DLG2: variants seen among roughly 807,000 people sequenced by gnomAD.
DLG2 encodes the protein disks large homolog 2.
In DLG2, 45 loss-of-function variants were observed where a neutral mutation model predicts 132.5. The observed-to-expected ratio is 0.34, with a 90% confidence interval of 0.27 to 0.44. The LOEUF (loss-of-function observed/expected upper bound fraction) is 0.44. Among genes scored for constraint, DLG2 ranks in the 20% least tolerant of loss-of-function variants. The pLI, the probability that DLG2 is intolerant of heterozygous loss-of-function variation, is 1.00. For synonymous variants in DLG2, 424 were observed against 419.6 expected (o/e 1.01, Z -0.13); for missense variants, 1,045 against 1,196.9 (o/e 0.87, Z 1.87).
intron 18 of DLG2, among the ~76,000 whole-genome samples, chr11:83,759,857 C>G (rs149946177): frequency 2.0e-5 from 3 of 152,330 alleles, no homozygotes; most frequent in African/African-American, 7.2e-5. Flanking sequence ...ATAATTACAA[C>G]ATTGATAATA....
intron 7 of DLG2, among the ~76,000 whole-genome samples, chr11:84,291,369 A>G (rs929357487): frequency 1.7e-4 from 26 of 152,308 alleles, no homozygotes; most frequent in African/African-American, 6.0e-4. Flanking sequence ...TAACTATCTC[A>G]ACTGACAGTA....
intron 8 of DLG2, among the ~76,000 whole-genome samples, chr11:84,212,855 T>C (rs10751110): frequency 0.69 from 104,561 of 152,048 alleles, 37,823 homozygotes; most frequent in South Asian, 0.8. Context: ...AGATGGGGTT[T>C]CACCTTGTTA....
Position 84,934,511 on chromosome 11 carries a change from TTTTGTTTTGTTTTG to T in DLG2, c.357+177136_357+177149del, listed in dbSNP as rs1291459095. On this transcript the variant is annotated intron_variant, in intron 6 of 27. Transcript: ENST00000376104. The stretch of plus-strand genomic sequence containing the variant: ...ATCTGTATGGTCCTGGGTGTTTTTT[TTTTGTTTTGTTTTG>T]TTTTTTTTTTTTTTTTTTTTTGGTG... Among the ~76,000 whole-genome samples the T allele has an allele frequency of 4.8e-3, 394 of 81,772 alleles. 2 individuals are homozygous for T. The highest frequency in any genetic ancestry group is 0.011 in the African/African-American group (173 of 15,626). 53.6% of individuals were successfully genotyped at this position (81,772 alleles called of 152,430 possible).
intron 15 of DLG2, among the ~76,000 whole-genome samples, chr11:83,928,920 ACTTC>A: frequency 6.6e-6 from 1 of 152,300 alleles, no homozygotes; most frequent in African/African-American, 2.4e-5. Flanking sequence ...GGCTCTTCTC[ACTTC>A]CTTACGGCTA....
At chr11:84,025,899 T>C (rs1240422048) in intron 11 of DLG2, among the ~76,000 whole-genome samples, 2 of 151,950 alleles carry the variant, frequency 1.3e-5, no homozygotes, top group Non-Finnish European at 2.9e-5. Context: ...ATTGACAACA[T>C]GTTTCCAAGA....
At chr11:84,197,478 T>G (rs972628009) in intron 8 of DLG2, among the ~76,000 whole-genome samples, 1 of 152,090 alleles carries the variant, frequency 6.6e-6, no homozygotes, top group Non-Finnish European at 1.5e-5. Context: ...ACCAGGACAA[T>G]GGAAAGAATG....
At chr11:84,517,750 A>T (rs10792761) in intron 7 of DLG2, among the ~76,000 whole-genome samples, 15,287 of 152,080 alleles carry the variant, frequency 0.1, 837 homozygotes, top group South Asian at 0.18. Context: ...AATCAACCTA[A>T]ATGTTCATCA....
intron 6 of DLG2, among the ~76,000 whole-genome samples, chr11:84,684,901 C>T (rs2099736729): frequency 6.6e-6 from 1 of 152,190 alleles, no homozygotes. Flanking sequence ...CAGTGTTTGA[C>T]TTTGAGAATT....
At chr11:85,443,510 G>A (rs780527988) in intron 3 of DLG2, among the ~76,000 whole-genome samples, 33 of 152,098 alleles carry the variant, frequency 2.2e-4, no homozygotes, top group Non-Finnish European at 1.3e-4. Flanking sequence ...AAAACTTTAC[G>A]TTTGAAAGTC....
intron 17 of DLG2, among the ~76,000 whole-genome samples, chr11:83,815,436 T>C (rs2048591022): frequency 6.6e-6 from 1 of 152,190 alleles, no homozygotes; most frequent in Non-Finnish European, 1.5e-5. Flanking sequence ...TCATTCTGGA[T>C]AGTTACCATC....
chr11:85,072,018 T>C (rs1241269805), intron 6 of DLG2, among the ~76,000 whole-genome samples: 2 of 151,830 alleles, frequency 1.3e-5, no homozygotes, highest in African/African-American at 2.4e-5. Flanking sequence ...AATCTTAGCA[T>C]CCCTATGTCA....
rs78508980 is a variant in DLG2 at position 84,321,619 on chromosome 11, T to G, written c.520-70328A>C. On this transcript the variant is annotated intron_variant, in intron 7 of 27. Coordinates refer to ENST00000376104, the MANE Select transcript of DLG2 (RefSeq NM_001142699.3). ...GGATGTTCTTTTCCCCACTTCATAC[T>G]TTCACATAATTAATTCCTACTCACC... Among the ~76,000 whole-genome samples the G allele has an allele frequency of 3.1e-3, 469 of 152,214 alleles. 5 individuals carry two copies. Among genetic ancestry groups the G allele is most frequent in the African/African-American group, 0.011 (449 of 41,532 alleles).
intron 6 of DLG2, among the ~76,000 whole-genome samples, chr11:84,891,867 TAA>T (rs2154064289): frequency 6.6e-6 from 1 of 152,286 alleles, no homozygotes; most frequent in African/African-American, 2.4e-5. Context: ...GAATCTATAT[TAA>T]AAGTCAGATG....
chr11:84,597,664 G>A (rs1042245073), intron 6 of DLG2, among the ~76,000 whole-genome samples: 1 of 152,154 alleles, frequency 6.6e-6, no homozygotes, highest in African/African-American at 2.4e-5. Context: ...GTTACTAGAT[G>A]TAAATAAAGA....
intron 7 of DLG2, among the ~76,000 whole-genome samples, chr11:84,329,639 T>C (rs2098449547): frequency 6.6e-6 from 1 of 152,194 alleles, no homozygotes; most frequent in Admixed American, 6.5e-5. Flanking sequence ...GGCAGTCCTT[T>C]ATAGCAATAT....
chr11:84,365,038 G>C (rs937473762), intron 7 of DLG2, among the ~76,000 whole-genome samples: 5 of 152,116 alleles, frequency 3.3e-5, no homozygotes, highest in Admixed American at 3.3e-4. Context: ...AAATGAGTTA[G>C]GGAGGATTCC....
intron 6 of DLG2, among the ~76,000 whole-genome samples, chr11:85,049,916 G>T (rs1316250691): frequency 6.6e-6 from 1 of 151,994 alleles, no homozygotes; most frequent in Non-Finnish European, 1.5e-5. Flanking sequence ...CTAATATATT[G>T]CCAGATTTCT....
rs79004342 is a variant in DLG2, at chr11:85,311,104, G to A, written c.41-25739C>T. On this transcript the variant is annotated intron_variant, in intron 3 of 27. Coordinates refer to ENST00000376104, the MANE Select transcript of DLG2 (RefSeq NM_001142699.3). ...CAAATGTTATATAATACAAACAAAC[G>A]TAAGCAAAGAAAAATGCAGCAAAGC... Among the ~76,000 whole-genome samples, 438 of 152,192 alleles carry A rather than the reference G, an allele frequency of 2.9e-3. 4 individuals carry two copies. Among genetic ancestry groups the A allele is most frequent in the African/African-American group, 9.9e-3 (411 of 41,532 alleles).
At chr11:85,312,324 A>C (rs1430480935) in intron 3 of DLG2, among the ~76,000 whole-genome samples, 1 of 151,426 alleles carries the variant, frequency 6.6e-6, no homozygotes, top group African/African-American at 2.4e-5. Flanking sequence ...GGAATTCTAA[A>C]AATGACATCT....
Sources: gnomAD v4.1 joint callset for allele counts (sites outside exome capture counted in the v4.1 genomes callset) on GRCh38, gnomAD v4.1.1 for gene constraint, MANE v1.5 for transcripts, NCBI Gene and HGNC (gene_info 2026-07-23, HGNC 2026-07-21) for gene names.